Variants in SPOPL observed in about 807,000 individuals in gnomAD.
SPOPL encodes speckle type BTB/POZ protein like, also known as speckle-type POZ protein-like.
SPOPL carries 23 observed loss-of-function variants against 53.8 expected under a neutral mutation model. The ratio of observed to expected loss-of-function variants is 0.43; its 90% CI spans 0.31 to 0.61. The LOEUF (loss-of-function observed/expected upper bound fraction) is 0.61, where lower values mean the gene tolerates loss of function less well. SPOPL is among the 20% of genes least tolerant of loss of function. The pLI is 0.12. For missense variants in SPOPL, 442 were observed against 466.9 expected (o/e 0.95, Z 0.49); for synonymous variants, 164 against 149.7 (o/e 1.10, Z -0.70).
At chr2:138,543,768 T>C (rs1209961079) in intron 1 of SPOPL, among the ~76,000 whole-genome samples, 1 of 152,242 alleles carries the variant, frequency 6.6e-6, no homozygotes, top group Non-Finnish European at 1.5e-5. Context: ...CTTTGTTCTG[T>C]TGCTAGTGAG....
At chr2:138,555,088 A>G (rs1685392394) in intron 5 of SPOPL, among the ~76,000 whole-genome samples, 1 of 151,082 alleles carries the variant, frequency 6.6e-6, no homozygotes, top group Admixed American at 6.6e-5. Context: ...AGAAAGAGAC[A>G]GAAGAGGTGA....
At chr2:138,553,085 G>T (rs1685349272) in intron 5 of SPOPL, among the ~76,000 whole-genome samples, 1 of 152,044 alleles carries the variant, frequency 6.6e-6, no homozygotes, top group East Asian at 1.9e-4. Context: ...TGAACCCGAA[G>T]TACCTGGAAA....
chr2:138,508,629 C>G (rs1170415164), intron 1 of SPOPL, among the ~76,000 whole-genome samples: 1 of 152,132 alleles, frequency 6.6e-6, no homozygotes, highest in Non-Finnish European at 1.5e-5. Flanking sequence ...TGGGTCTGGC[C>G]AAAGTGAATT....
Position 138,549,569 on chromosome 2 carries a change from C to T in SPOPL, c.-60-588C>T, listed in dbSNP as rs1685269368. Reference sequence around the variant, plus strand: ...TGGGAGGAAATTTTATGACATAGTACGTCTCGGCAAGAAGCACTCTGTTAG... The same window carrying T: ...TGGGAGGAAATTTTATGACATAGTATGTCTCGGCAAGAAGCACTCTGTTAG... On this transcript the variant is annotated intron_variant, in intron 1 of 10. Transcript: ENST00000280098. 3.3e-5 allele frequency among the ~76,000 whole-genome samples: 5 copies of T among 152,072 alleles called. No homozygotes were observed. The South Asian group carries it at 1.0e-3, about 32-fold the overall frequency.
intron 10 of SPOPL, among the ~76,000 whole-genome samples, chr2:138,567,478 G>T (rs1685689575): frequency 6.7e-6 from 1 of 149,142 alleles, no homozygotes; most frequent in African/African-American, 2.5e-5. Context: ...GGAGAAAGTA[G>T]GCAGAGATCA....
chr2:138,553,957 T>A (rs1325777688), intron 5 of SPOPL, among the ~76,000 whole-genome samples: 1 of 152,048 alleles, frequency 6.6e-6, no homozygotes, highest in Non-Finnish European at 1.5e-5. Flanking sequence ...ATTGTTTAAA[T>A]GTTAATTTAG....
chr2:138,533,983 A>G lies in SPOPL; in HGVS notation c.-60-16174A>G, dbSNP rs1185866228. On this transcript the variant is annotated intron_variant, in intron 1 of 10. Transcript: ENST00000280098. ...TTTTATAACTGGATAAAATTTTGAT[A>G]ATGCTCTTTAGACAGCATGATTTTT... Among the ~76,000 whole-genome samples, 4 of 152,164 alleles carry G rather than the reference A, an allele frequency of 2.6e-5. No individual in the cohort carries two copies. In the East Asian group the frequency reaches 7.7e-4, roughly 29 times the overall value.
chr2:138,537,375 C>A (rs941666317), intron 1 of SPOPL, among the ~76,000 whole-genome samples: 1 of 152,026 alleles, frequency 6.6e-6, no homozygotes, highest in African/African-American at 2.4e-5. Flanking sequence ...GCTGCATGCA[C>A]CGGTAATCAG....
intron 10 of SPOPL, among the ~76,000 whole-genome samples, chr2:138,568,682 A>G (rs947681916): frequency 3.9e-5 from 6 of 152,176 alleles, no homozygotes; most frequent in African/African-American, 9.7e-5. Flanking sequence ...AATTGTAACA[A>G]TGAGAGTTGA....
At chr2:138,522,735 T>C (rs1464189272) in intron 1 of SPOPL, among the ~76,000 whole-genome samples, 1 of 152,196 alleles carries the variant, frequency 6.6e-6, no homozygotes, top group Non-Finnish European at 1.5e-5. Flanking sequence ...CTAATCAGTC[T>C]TCTGAAAGAC....
intron 1 of SPOPL, among the ~76,000 whole-genome samples, chr2:138,509,686 T>A (rs1422643864): frequency 6.6e-6 from 1 of 152,174 alleles, no homozygotes; most frequent in African/African-American, 2.4e-5. Flanking sequence ...CTCGCACCCA[T>A]ACAGACATAG....
chr2:138,551,199 C>A, intron 4 of SPOPL, 145 bp downstream of exon 4: 2 of 857,846 alleles, frequency 2.3e-6, no homozygotes, highest in Non-Finnish European at 3.6e-6. Flanking sequence ...TTATTTAAAT[C>A]CAGCATAGAG....
In SPOPL at chr2:138,572,516, T is replaced by G. The variant is rs777655676; in HGVS notation, c.*3436T>G. 2 of 152,488 alleles carry G rather than the reference T, an allele frequency of 1.3e-5. No homozygotes were observed. The highest frequency in any genetic ancestry group is 2.4e-5 in the African/African-American group (1 of 41,446). 9.4% of individuals were successfully genotyped at this position (152,488 alleles called of 1,614,324 possible). A position where few individuals can be genotyped will look rare whatever the true frequency, so the allele number is the denominator to read the frequency against. Reference sequence around the variant, plus strand: ...TTGTGAAAATCCAGCTCAACATACTTAAGTATACTTGGCTTAGAGCCAAGT... The same window carrying G: ...TTGTGAAAATCCAGCTCAACATACTGAAGTATACTTGGCTTAGAGCCAAGT... On this transcript the variant is annotated 3_prime_UTR_variant, in exon 11 of 11. Transcript: ENST00000280098.
rs1685777646 is a variant in SPOPL, at chr2:138,571,392, A to G, written c.*2312A>G. On this transcript the variant is annotated 3_prime_UTR_variant, in exon 11 of 11. Coordinates refer to ENST00000280098, the MANE Select transcript of SPOPL (RefSeq NM_001001664.3). ...GCAAATCTTAAGGATTTTATTATAA[A>G]GATTTTTTTTTTAGTTTGGTAGCAC... is the stretch of plus-strand genomic sequence containing the variant. 6.6e-6 allele frequency: 1 copy of G among 152,426 alleles called. No individual in the cohort carries two copies. Among genetic ancestry groups the G allele is most frequent in the Admixed American group, 6.6e-5 (1 of 15,244 alleles). 9.4% of individuals were successfully genotyped at this position (152,426 alleles called of 1,614,324 possible).
chr2:138,529,329 C>T (rs977561632), intron 1 of SPOPL, among the ~76,000 whole-genome samples: 3 of 152,034 alleles, frequency 2.0e-5, no homozygotes, highest in Admixed American at 6.6e-5. Flanking sequence ...ATACCCATCT[C>T]GTATCATTTT....
At position 138,536,337 on chromosome 2, in the gene SPOPL, G is replaced by GCC. The variant is rs74611889; in HGVS notation, c.-60-13811_-60-13810dup. On this transcript the variant is annotated intron_variant, in intron 1 of 10. Transcript: ENST00000280098. ...ACTGTTTTAGTGGAGTCTATTTAGTGCCCCCCCCCCACACACACACACACG... is the reference window on the plus strand; with the variant it reads ...ACTGTTTTAGTGGAGTCTATTTAGTGCCCCCCCCCCCCACACACACACACACG... Among the ~76,000 whole-genome samples the GCC allele has an allele frequency of 3.7e-3, 369 of 98,568 alleles. 2 individuals carry two copies. The highest frequency in any genetic ancestry group is 0.014 in the African/African-American group (346 of 24,880). 64.7% of individuals were successfully genotyped at this position (98,568 alleles called of 152,430 possible). A position where few individuals can be genotyped will look rare whatever the true frequency, so the allele number is the denominator to read the frequency against.
intron 1 of SPOPL, among the ~76,000 whole-genome samples, chr2:138,545,172 C>T (rs1685164434): frequency 6.6e-6 from 1 of 152,148 alleles, no homozygotes; most frequent in South Asian, 2.1e-4. Context: ...AGGGAATTGC[C>T]AGACTGGTCA....
At chr2:138,520,895 A>G (rs1005484661) in intron 1 of SPOPL, among the ~76,000 whole-genome samples, 1 of 152,186 alleles carries the variant, frequency 6.6e-6, no homozygotes. Flanking sequence ...AAAAATCCTA[A>G]TACTGTATAA....
At chr2:138,550,835 C>CTT (rs2104892058) in intron 3 of SPOPL, 68 bp from the exon 4 acceptor site, 1 of 1,525,550 alleles carries the variant, frequency 6.6e-7, no homozygotes, top group East Asian at 2.3e-5. Context: ...CTTTCTCTCT[C>CTT]TCTCTCTCTC....
Sources: gnomAD v4.1 joint callset for allele counts (sites outside exome capture counted in the v4.1 genomes callset) on GRCh38, gnomAD v4.1.1 for gene constraint, MANE v1.5 for transcripts, NCBI Gene and HGNC (gene_info 2026-07-23, HGNC 2026-07-21) for gene names.